Variants in MAP6 observed in about 807,000 individuals in gnomAD.
MAP6 encodes microtubule-associated protein 6.
In MAP6, 26 loss-of-function variants were observed where a neutral mutation model predicts 42.4. The ratio of observed to expected loss-of-function variants is 0.61; its 90% CI spans 0.45 to 0.85. The LOEUF (loss-of-function observed/expected upper bound fraction) is 0.85. Among genes scored for constraint, MAP6 ranks in the 40% least tolerant of loss-of-function variants. The probability of loss-of-function intolerance (pLI) is 0.00; values close to 1 mark genes in which losing one functional copy is unlikely to be tolerated. For missense variants in MAP6, 966 were observed against 1,099.0 expected, an observed-to-expected ratio of 0.88 and a Z score of 1.71; for synonymous variants, 418 against 443.8, an observed-to-expected ratio of 0.94 and a Z score of 0.73.
chr11:75,600,994 G>C (rs1942654510), intron 3 of MAP6, among the ~76,000 whole-genome samples: 1 of 152,226 alleles, frequency 6.6e-6, no homozygotes, highest in South Asian at 2.1e-4. Flanking sequence ...TGCTGTTTCA[G>C]GGAGGTAATG....
intron 3 of MAP6, among the ~76,000 whole-genome samples, chr11:75,600,431 G>C (rs1473413387): frequency 6.6e-6 from 1 of 152,196 alleles, no homozygotes; most frequent in African/African-American, 2.4e-5. Flanking sequence ...CCCTGTTGTA[G>C]GAATTCTAGG....
At chr11:75,649,590 G>A (rs747485785) in intron 1 of MAP6, among the ~76,000 whole-genome samples, 5 of 152,152 alleles carry the variant, frequency 3.3e-5, no homozygotes, top group South Asian at 2.1e-4. Context: ...CCAGGCTGGA[G>A]TGCAGTGGTG....
At chr11:75,631,794 T>A (rs1227177377) in intron 1 of MAP6, among the ~76,000 whole-genome samples, 1 of 152,230 alleles carries the variant, frequency 6.6e-6, no homozygotes, top group Non-Finnish European at 1.5e-5. Context: ...TGAAAAGTGA[T>A]AATTTCTGCT....
chr11:75,633,576 G>A (rs1274421817), intron 1 of MAP6, among the ~76,000 whole-genome samples: 1 of 152,158 alleles, frequency 6.6e-6, no homozygotes, highest in African/African-American at 2.4e-5. Context: ...GTCAGGTGGT[G>A]GGAAGTTCCA....
In MAP6 at chr11:75,668,436, C is replaced by T. The variant is rs1004152908; in HGVS notation, c.-67G>A. ...TCTAAAGCAAGTCTCTATAATCTTC[C>T]TTCAGCCTCCGATCCTGACCGGCCA... On this transcript the variant is annotated 5_prime_UTR_variant, in exon 1 of 4. Coordinates refer to ENST00000304771, the MANE Select transcript of MAP6 (RefSeq NM_033063.2). 29 of 1,493,180 alleles carry T rather than the reference C, an allele frequency of 1.9e-5. No individual in the cohort carries two copies. Among genetic ancestry groups the T allele is most frequent in the Non-Finnish European group, 2.5e-5 (28 of 1,124,550 alleles). 92.5% of individuals were successfully genotyped at this position (1,493,180 alleles called of 1,614,324 possible).
Position 75,587,612 on chromosome 11 carries a change from G to A in MAP6, c.1889C>T (p.Pro630Leu), listed in dbSNP as rs1240972145. 2.5e-6 allele frequency: 4 copies of A among 1,614,122 alleles called. No individual in the cohort carries two copies. The highest frequency in any genetic ancestry group is 3.4e-6 in the Non-Finnish European group (4 of 1,180,008). Residue 630 changes from proline (P) to leucine (L), a missense_variant, in exon 4 of 4, where the codon CCC becomes CTC. This residue lies in a region of MAP6 where 943 missense variants were observed against 1,049.9 expected (regional missense o/e 0.90). Transcript: ENST00000304771. ...ATCCTTGATAGGTGCTGAGACCATG[G>A]GACCTTCATCCTTGACAGGTGCTGG... is the stretch of plus-strand genomic sequence containing the variant. ...IVPAPVKDEG[P>L]MVSAPIKDQD...
intron 1 of MAP6, among the ~76,000 whole-genome samples, chr11:75,663,429 T>C (rs376093550): frequency 9.9e-5 from 15 of 152,260 alleles, no homozygotes; most frequent in African/African-American, 3.6e-4. Context: ...TGAAATTGAC[T>C]CTATCAATAT....
intron 1 of MAP6, among the ~76,000 whole-genome samples, chr11:75,618,899 C>T (rs1943053832): frequency 6.6e-6 from 1 of 152,254 alleles, no homozygotes; most frequent in East Asian, 1.9e-4. Context: ...CCCTCGGCCA[C>T]TGCCCGATTC....
At chr11:75,658,402 C>CT (rs1016597285) in intron 1 of MAP6, among the ~76,000 whole-genome samples, 24 of 106,010 alleles carry the variant, frequency 2.3e-4, no homozygotes, top group African/African-American at 8.1e-4. Context: ...CTCCACCCCC[C>CT]CCGCCCCAGA....
Position 75,613,728 on chromosome 11 carries a change from G to A in MAP6, c.906-5406C>T, listed in dbSNP as rs541802398. Among the ~76,000 whole-genome samples the A allele has an allele frequency of 2.0e-5, 3 of 152,322 alleles. No homozygotes were observed. In the South Asian group the frequency reaches 6.2e-4, roughly 32 times the overall value. On this transcript the variant is annotated intron_variant, in intron 1 of 3. Transcript: ENST00000304771. ...TCCCCCGGTGGGTGGGTGAACTGCA[G>A]ATGAATGGGCTCAATCAATATATTC...
intron 1 of MAP6, among the ~76,000 whole-genome samples, chr11:75,614,399 C>G (rs556227571): frequency 6.6e-6 from 1 of 152,286 alleles, no homozygotes; most frequent in East Asian, 1.9e-4. Flanking sequence ...GGACTCACTT[C>G]TAACAAACAG....
chr11:75,627,724 ATCC>A (rs772622573), intron 1 of MAP6, among the ~76,000 whole-genome samples: 23 of 152,184 alleles, frequency 1.5e-4, no homozygotes, highest in Non-Finnish European at 2.9e-4. Context: ...TGTTATTATC[ATCC>A]TCGTTTTACA....
chr11:75,598,525 A>T (rs939167333), intron 3 of MAP6, among the ~76,000 whole-genome samples: 1 of 152,236 alleles, frequency 6.6e-6, no homozygotes, highest in Non-Finnish European at 1.5e-5. Flanking sequence ...GCCAGCCAGT[A>T]TAAAACCAGC....
At position 75,587,731 on chromosome 11, in the gene MAP6, T is replaced by G; in HGVS notation, c.1770A>C (p.Ala590=). The stretch of plus-strand genomic sequence containing the variant: ...CCATGGGACCTTGATCCTTGACAGA[T>G]GCTGAGACCATGGGACCTTCATCCT... ...PVKDEGPMVS[A]SVKDQGPMVS... Residue 590 remains alanine, a synonymous_variant, in exon 4 of 4, where the codon GCA becomes GCC. Coordinates refer to ENST00000304771, the MANE Select transcript of MAP6 (RefSeq NM_033063.2). The G allele has an allele frequency of 6.2e-7, 1 of 1,609,098 alleles. No homozygotes were observed. The highest frequency in any genetic ancestry group is 8.5e-7 in the Non-Finnish European group (1 of 1,177,158).
rs1404904114 is a variant in MAP6, at chr11:75,667,458, G to C, written c.905+7C>G. ...ACTCCCCCGCGCTAGCAGCGGCCGC[G>C]TCTCACCTGTAGGAGCTGCTCACTG... On this transcript the variant is annotated splice_region_variant and intron_variant, in intron 1 of 3. Transcript: ENST00000304771. The surrounding 1 kb of genome is among the most constrained non-coding windows in gnomAD (Gnocchi z 5.6). The C allele has an allele frequency of 1.3e-6, 2 of 1,486,206 alleles. No homozygotes were observed. Among genetic ancestry groups the C allele is most frequent in the East Asian group, 5.7e-5 (2 of 34,816 alleles). The allele number at this position is 1,486,206 out of a possible 1,614,324, so 92.1% of individuals were successfully genotyped here. A position where few individuals can be genotyped will look rare whatever the true frequency, so the allele number is the denominator to read the frequency against.
rs551712929 is a variant in MAP6 at position 75,657,846 on chromosome 11, A to G, written c.905+9619T>C. ...ACACTTCTGTCTTTCTCTTTCACTT[A>G]TAAGGACTCTTGTGATTACACTGAA... On this transcript the variant is annotated intron_variant, in intron 1 of 3. Coordinates refer to ENST00000304771, the MANE Select transcript of MAP6 (RefSeq NM_033063.2). 5.9e-5 allele frequency among the ~76,000 whole-genome samples: 9 copies of G among 152,302 alleles called. No homozygotes were observed. In the South Asian group the frequency reaches 1.9e-3, roughly 32 times the overall value.
At chr11:75,633,946 C>G (rs1455786267) in intron 1 of MAP6, among the ~76,000 whole-genome samples, 1 of 152,130 alleles carries the variant, frequency 6.6e-6, no homozygotes, top group Non-Finnish European at 1.5e-5. Context: ...CCGAGTGGCA[C>G]GATTTGACTC....
At chr11:75,652,049 A>C (rs570368641) in intron 1 of MAP6, among the ~76,000 whole-genome samples, 14 of 152,326 alleles carry the variant, frequency 9.2e-5, no homozygotes, top group South Asian at 2.1e-4. Context: ...ATTATTACCC[A>C]AAAAAATTAT....
intron 3 of MAP6, among the ~76,000 whole-genome samples, chr11:75,591,188 C>T (rs1590748733): frequency 6.6e-6 from 1 of 152,026 alleles, no homozygotes; most frequent in Admixed American, 6.5e-5. Flanking sequence ...ACTTTTATGA[C>T]AAGCCAATGG....
Sources: gnomAD v4.1 joint callset for allele counts (sites outside exome capture counted in the v4.1 genomes callset) on GRCh38, gnomAD v4.1.1 for gene constraint, gnomAD v4.1.1 regional missense constraint, Gnocchi (gnomAD v3.1) non-coding constraint, MANE v1.5 for transcripts, NCBI Gene and HGNC (gene_info 2026-07-23, HGNC 2026-07-21) for gene names.